DYNC2H1: variants seen among roughly 807,000 people sequenced by gnomAD.
DYNC2H1 encodes the protein cytoplasmic dynein 2 heavy chain 1.
DYNC2H1 carries 410 observed loss-of-function variants against 570.0 expected under a neutral mutation model. That is an observed-to-expected ratio of 0.72 (90% confidence interval 0.66 to 0.78). The LOEUF is 0.78. Among genes scored for constraint, DYNC2H1 ranks in the 30% least tolerant of loss-of-function variants. The pLI, the probability that DYNC2H1 is intolerant of heterozygous loss-of-function variation, is 0.00. For synonymous variants in DYNC2H1, 1,688 were observed against 1,677.6 expected, an observed-to-expected ratio of 1.01 and a Z score of -0.15; for missense variants, 4,865 against 5,046.4, an observed-to-expected ratio of 0.96 and a Z score of 1.09.
Position 103,209,118 on chromosome 11 carries a change from A to G in DYNC2H1, c.8455-758A>G, listed in dbSNP as rs1863049599. ...ATCTTTTGGCTTACATTTTTTTTTC[A>G]GTCTGAGAAATTTAAAAAATGATTT... On this transcript the variant is annotated intron_variant, in intron 52 of 88. Coordinates refer to ENST00000375735, the MANE Select transcript of DYNC2H1 (RefSeq NM_001377.3). This position sits in a 1 kb window ranked among gnomAD's most constrained non-coding sequence, Gnocchi z 4.2. 6.6e-6 allele frequency among the ~76,000 whole-genome samples: 1 copy of G among 150,584 alleles called. No individual in the cohort carries two copies. Among genetic ancestry groups the G allele is most frequent in the South Asian group, 2.1e-4 (1 of 4,812 alleles).
In DYNC2H1 at chr11:103,245,941, C is replaced by T. The variant is rs1232400279; in HGVS notation, c.10042+567C>T. Among the ~76,000 whole-genome samples the T allele has an allele frequency of 6.6e-6, 1 of 152,066 alleles. No individual in the cohort carries two copies. The highest frequency in any genetic ancestry group is 1.9e-4 in the East Asian group (1 of 5,192). On this transcript the variant is annotated intron_variant, in intron 65 of 88. Coordinates refer to ENST00000375735, the MANE Select transcript of DYNC2H1 (RefSeq NM_001377.3). The surrounding 1 kb of genome is among the most constrained non-coding windows in gnomAD (Gnocchi z 4.5). ...ATATGTAGACGTGTACATATACGTA[C>T]GTGAATGTATGCCACATACGTTGCT...
chr11:103,336,166 A>G (rs1320644982), intron 82 of DYNC2H1, among the ~76,000 whole-genome samples: 2 of 152,218 alleles, frequency 1.3e-5, no homozygotes, highest in Non-Finnish European at 2.9e-5. Context: ...TTTTATGGCT[A>G]CATAGTAGTT....
At position 103,439,404 on chromosome 11, in the gene DYNC2H1, A is replaced by G. The variant is rs1412448142; in HGVS notation, c.12456+3372A>G. Among the ~76,000 whole-genome samples the G allele has an allele frequency of 1.3e-5, 2 of 152,182 alleles. No homozygotes were observed. Among genetic ancestry groups the G allele is most frequent in the Non-Finnish European group, 2.9e-5 (2 of 68,024 alleles). ...TTTCAAGTAACTAAAAGCAAAGCAT[A>G]GATTGCAAGGAGGGGTGTTCAGGCT... is the stretch of plus-strand genomic sequence containing the variant. On this transcript the variant is annotated intron_variant, in intron 85 of 88. Transcript: ENST00000375735. This position sits in a 1 kb window ranked among gnomAD's most constrained non-coding sequence, Gnocchi z 4.1.
chr11:103,438,283 CAT>C (rs1944133867), intron 85 of DYNC2H1, among the ~76,000 whole-genome samples: 1 of 152,008 alleles, frequency 6.6e-6, no homozygotes, highest in Admixed American at 6.6e-5. Flanking sequence ...ATTTGCTTTT[CAT>C]CTATTCAAGG....
intron 82 of DYNC2H1, among the ~76,000 whole-genome samples, chr11:103,356,327 C>G (rs953469749): frequency 6.6e-6 from 1 of 151,922 alleles, no homozygotes; most frequent in African/African-American, 2.4e-5. Context: ...GTTTGAACTC[C>G]CTTTCTTATT....
At chr11:103,331,718 G>A (rs983541197) in intron 82 of DYNC2H1, among the ~76,000 whole-genome samples, 1 of 152,168 alleles carries the variant, frequency 6.6e-6, no homozygotes, top group South Asian at 2.1e-4. Context: ...AGACACAGAT[G>A]TTGGAACTAC....
In DYNC2H1 at chr11:103,425,933, G is replaced by C. The variant is rs556980299; in HGVS notation, c.12367-10010G>C. 5.0e-5 allele frequency among the ~76,000 whole-genome samples: 7 copies of C among 140,148 alleles called. No homozygotes were observed. In the East Asian group the frequency reaches 1.5e-3, roughly 31 times the overall value. The allele number at this position is 140,148 out of a possible 152,430, so 91.9% of individuals were successfully genotyped here. A position where few individuals can be genotyped will look rare whatever the true frequency, so the allele number is the denominator to read the frequency against. On this transcript the variant is annotated intron_variant, in intron 84 of 88. Transcript: ENST00000375735. ...TGTTGGGAACAGGCCCCCAAATCTG[G>C]CCATAAACTGGCCATAAACAAAATC...
intron 17 of DYNC2H1, among the ~76,000 whole-genome samples, chr11:103,142,754 TA>T (rs1860021762): frequency 6.6e-6 from 1 of 152,238 alleles, no homozygotes. Context: ...CCTCAAATGT[TA>T]CTGAAATCAG....
intron 10 of DYNC2H1, among the ~76,000 whole-genome samples, chr11:103,122,604 G>A (rs1012698193): frequency 1.3e-4 from 20 of 152,310 alleles, no homozygotes; most frequent in African/African-American, 4.8e-4. Context: ...GTTATGCCTT[G>A]TATGGGTTAT....
chr11:103,444,590 A>G (rs1436950494), intron 85 of DYNC2H1, among the ~76,000 whole-genome samples: 1 of 152,216 alleles, frequency 6.6e-6, no homozygotes, highest in Non-Finnish European at 1.5e-5. Context: ...TCTAATACAT[A>G]TAAGGATGCT....
At chr11:103,394,515 G>A (rs1240534960) in intron 83 of DYNC2H1, among the ~76,000 whole-genome samples, 1 of 151,928 alleles carries the variant, frequency 6.6e-6, no homozygotes, top group Non-Finnish European at 1.5e-5. Context: ...ATAGATTTTG[G>A]TATTGAGGGA....
chr11:103,198,205 T>G, intron 48 of DYNC2H1, 142 bp downstream of exon 48: 1 of 959,752 alleles, frequency 1.0e-6, no homozygotes, highest in Non-Finnish European at 1.5e-6. Flanking sequence ...ATTTAGTCCA[T>G]TGTGGCGGAT....
intron 82 of DYNC2H1, among the ~76,000 whole-genome samples, chr11:103,355,854 C>T (rs1226869185): frequency 6.6e-6 from 1 of 152,070 alleles, no homozygotes; most frequent in African/African-American, 2.4e-5. Context: ...TACAGGTGCA[C>T]ACCACCATAC....
Position 103,211,928 on chromosome 11 carries a change from A to G in DYNC2H1, c.8679A>G (p.Arg2893=). 6 of 1,528,888 alleles carry G rather than the reference A, an allele frequency of 3.9e-6. No individual in the cohort carries two copies. Among genetic ancestry groups the G allele is most frequent in the South Asian group, 1.3e-5 (1 of 77,208 alleles). The allele number at this position is 1,528,888 out of a possible 1,614,324, so 94.7% of individuals were successfully genotyped here. The change falls in exon 54 of 89, where the codon AGA becomes AGG. Residue 2893 remains arginine, a synonymous_variant. Coordinates refer to ENST00000375735, the MANE Select transcript of DYNC2H1 (RefSeq NM_001377.3). ...GCAAGAAAAAGGAATTATTAAAAAG[A>G]CAAAGTCATTTGCAGGTATAGTATT... is the stretch of plus-strand genomic sequence containing the variant. ...SSSKKKELLK[R]QSHLQAGVSK... is the part of the protein sequence containing the mutation.
chr11:103,352,488 A>G (rs1940100854), intron 82 of DYNC2H1, among the ~76,000 whole-genome samples: 1 of 152,190 alleles, frequency 6.6e-6, no homozygotes, highest in Non-Finnish European at 1.5e-5. Flanking sequence ...ACCTTGAGTT[A>G]TTTAGAAATG....
At chr11:103,248,254 A>G (rs656775) in intron 65 of DYNC2H1, among the ~76,000 whole-genome samples, 10,273 of 152,032 alleles carry the variant, frequency 0.068, 379 homozygotes, top group Middle Eastern at 0.15. Context: ...AGTGGTATGC[A>G]ATACAATGTG....
At chr11:103,130,475 T>G (rs1242930463) in intron 13 of DYNC2H1, among the ~76,000 whole-genome samples, 1 of 152,170 alleles carries the variant, frequency 6.6e-6, no homozygotes, top group Non-Finnish European at 1.5e-5. Flanking sequence ...AAAAGCACTT[T>G]TTTTCTTGTT....
rs1365245624 is a variant in DYNC2H1, at chr11:103,395,644, A to G, written c.12157-4019A>G. Among the ~76,000 whole-genome samples the G allele has an allele frequency of 6.6e-6, 1 of 152,108 alleles. No individual in the cohort carries two copies. The highest frequency in any genetic ancestry group is 6.6e-5 in the Admixed American group (1 of 15,256). ...AAGAAACAGTTACCTATTTTTCAGAATACCCAGCAGAATTCTTACCACATT... is the reference window on the plus strand; with the variant it reads ...AAGAAACAGTTACCTATTTTTCAGAGTACCCAGCAGAATTCTTACCACATT... On this transcript the variant is annotated intron_variant, in intron 83 of 88. Coordinates refer to ENST00000375735, the MANE Select transcript of DYNC2H1 (RefSeq NM_001377.3). The surrounding 1 kb of genome is among the most constrained non-coding windows in gnomAD (Gnocchi z 4.3).
intron 88 of DYNC2H1, among the ~76,000 whole-genome samples, chr11:103,473,647 C>T (rs966779106): frequency 6.6e-6 from 1 of 152,192 alleles, no homozygotes; most frequent in African/African-American, 2.4e-5. Flanking sequence ...ACCCTATGCT[C>T]CATCAGGATC....
Sources: allele counts gnomAD v4.1 joint callset (sites outside exome capture counted in the v4.1 genomes callset), GRCh38; gene constraint gnomAD v4.1.1; non-coding constraint Gnocchi (gnomAD v3.1); transcripts MANE v1.5; gene names NCBI Gene and HGNC (gene_info 2026-07-23, HGNC 2026-07-21).